Variants in RAP1GAP2 observed in about 807,000 individuals in gnomAD.
The protein encoded by RAP1GAP2 is RAP1 GTPase activating protein 2, also known as rap1 GTPase-activating protein 2.
Under a neutral mutation model 95.0 loss-of-function variants are expected in RAP1GAP2, and 27 were observed. The ratio of observed to expected loss-of-function variants is 0.28; its 90% CI spans 0.21 to 0.39. The LOEUF (loss-of-function observed/expected upper bound fraction) is 0.39, where lower values mean the gene tolerates loss of function less well. Ranked by LOEUF, RAP1GAP2 falls within the 10% of genes least tolerant of loss-of-function variation. RAP1GAP2 has a pLI of 1.00. For synonymous variants in RAP1GAP2, 373 were observed against 380.9 expected (o/e 0.98, Z 0.24); for missense variants, 771 against 970.0 (o/e 0.79, Z 2.72).
At chr17:2,931,669 G>A (rs1180511506) in intron 3 of RAP1GAP2, among the ~76,000 whole-genome samples, 2 of 152,222 alleles carry the variant, frequency 1.3e-5, no homozygotes, top group African/African-American at 4.8e-5. Flanking sequence ...CTGACTGACT[G>A]TTAGAATCAC....
At chr17:2,763,461 C>T (rs779144661) in intron 1 of RAP1GAP2, among the ~76,000 whole-genome samples, 19 of 151,968 alleles carry the variant, frequency 1.3e-4, no homozygotes, top group East Asian at 3.9e-4. Context: ...TTTGGGAGGC[C>T]GAGGCAGGTG....
At chr17:3,022,128 C>A (rs529139875) in intron 19 of RAP1GAP2, among the ~76,000 whole-genome samples, 3 of 152,360 alleles carry the variant, frequency 2.0e-5, no homozygotes, top group Admixed American at 2.0e-4. Context: ...ATTTCCCTTT[C>A]TCTGCATCCT....
At chr17:2,786,270 T>C (rs1229541291) in intron 1 of RAP1GAP2, among the ~76,000 whole-genome samples, 2 of 152,236 alleles carry the variant, frequency 1.3e-5, no homozygotes, top group Non-Finnish European at 2.9e-5. Flanking sequence ...CAGCTACATT[T>C]AATGTCAGGA....
intron 3 of RAP1GAP2, among the ~76,000 whole-genome samples, chr17:2,924,274 C>T (rs898076137): frequency 6.6e-6 from 1 of 152,106 alleles, no homozygotes; most frequent in Non-Finnish European, 1.5e-5. Context: ...ACGGTCTGCA[C>T]CTCCCGATGC....
intron 2 of RAP1GAP2, among the ~76,000 whole-genome samples, chr17:2,850,672 C>T (rs1463135722): frequency 6.7e-6 from 1 of 149,720 alleles, no homozygotes; most frequent in East Asian, 2.0e-4. Flanking sequence ...ATGGCATGAA[C>T]CCGGTTGGCG....
At chr17:2,795,876 GT>G (rs1309110406), upstream of RAP1GAP2, among the ~76,000 whole-genome samples, 1 of 152,102 alleles carries the variant, frequency 6.6e-6, no homozygotes, top group Admixed American at 6.5e-5. Context: ...GTATGTCTGC[GT>G]GCATGTATCT....
chr17:2,955,036 A>G (rs539454876), intron 3 of RAP1GAP2, among the ~76,000 whole-genome samples: 1 of 152,324 alleles, frequency 6.6e-6, no homozygotes, highest in South Asian at 2.1e-4. Context: ...GTTGATGGAC[A>G]TTTGGGTTGT....
chr17:2,918,132 A>G (rs1180063843), intron 3 of RAP1GAP2, among the ~76,000 whole-genome samples: 1 of 152,084 alleles, frequency 6.6e-6, no homozygotes, highest in Non-Finnish European at 1.5e-5. Flanking sequence ...GAGATTGGAT[A>G]ATTTATAAAG....
chr17:2,956,071 A>G (rs2044092505), intron 3 of RAP1GAP2, among the ~76,000 whole-genome samples: 1 of 152,108 alleles, frequency 6.6e-6, no homozygotes, highest in African/African-American at 2.4e-5. Flanking sequence ...TCATCTTTCT[A>G]TCCGTATTGA....
At chr17:2,890,120 C>T (rs1478257123) in intron 2 of RAP1GAP2, among the ~76,000 whole-genome samples, 4 of 151,716 alleles carry the variant, frequency 2.6e-5, no homozygotes, top group African/African-American at 4.8e-5. Context: ...GTTGCATGGC[C>T]ATGGGTGGAA....
At chr17:2,909,846 G>A (rs2042314544) in intron 3 of RAP1GAP2, among the ~76,000 whole-genome samples, 1 of 152,204 alleles carries the variant, frequency 6.6e-6, no homozygotes, top group Non-Finnish European at 1.5e-5. Flanking sequence ...GACTGGGTGG[G>A]GGTCCTTCTG....
intron 1 of RAP1GAP2, among the ~76,000 whole-genome samples, chr17:2,790,076 G>C (rs556293304): frequency 2.6e-5 from 4 of 151,326 alleles, no homozygotes; most frequent in Non-Finnish European, 5.9e-5. Context: ...ACTGTGCCCT[G>C]TTTCCCTGGA....
chr17:2,792,788 G>A (rs1485451477), upstream of RAP1GAP2, among the ~76,000 whole-genome samples: 5 of 152,232 alleles, frequency 3.3e-5, no homozygotes, highest in Admixed American at 2.0e-4. Flanking sequence ...TGGCAGCAGC[G>A]GAGGCCTCGA....
At chr17:2,784,162 C>T (rs963870860) in intron 1 of RAP1GAP2, among the ~76,000 whole-genome samples, 12 of 151,704 alleles carry the variant, frequency 7.9e-5, no homozygotes, top group African/African-American at 2.2e-4. Flanking sequence ...TTAGTAGAGA[C>T]GAGGGTTTCA....
chr17:2,923,396 A>G (rs1466066728), intron 3 of RAP1GAP2, among the ~76,000 whole-genome samples: 1 of 150,044 alleles, frequency 6.7e-6, no homozygotes, highest in Non-Finnish European at 1.5e-5. Flanking sequence ...CAGTGGTGCA[A>G]TCTTGGCTCA....
At chr17:2,910,506 C>G (rs1481855133) in intron 3 of RAP1GAP2, among the ~76,000 whole-genome samples, 1 of 152,098 alleles carries the variant, frequency 6.6e-6, no homozygotes, top group Non-Finnish European at 1.5e-5. Flanking sequence ...CTTTGAGCCT[C>G]GGGCAGTGGG....
chr17:2,992,440 G>A (rs1239850694), intron 12 of RAP1GAP2, among the ~76,000 whole-genome samples: 1 of 152,172 alleles, frequency 6.6e-6, no homozygotes, highest in Admixed American at 6.6e-5. Flanking sequence ...GATTACAGGC[G>A]TGAGCCACCG....
At chr17:2,781,507 G>A (rs1356119388) in intron 1 of RAP1GAP2, among the ~76,000 whole-genome samples, 1 of 152,076 alleles carries the variant, frequency 6.6e-6, no homozygotes. Context: ...GCACACCCCT[G>A]TGTGTGCACC....
At chr17:2,878,060 A>G (rs1412795336) in intron 2 of RAP1GAP2, among the ~76,000 whole-genome samples, 1 of 152,042 alleles carries the variant, frequency 6.6e-6, no homozygotes, top group African/African-American at 2.4e-5. Context: ...ACTTTCATGG[A>G]CACACGCGTT....
Sources: allele counts gnomAD v4.1 joint callset (sites outside exome capture counted in the v4.1 genomes callset), GRCh38; gene constraint gnomAD v4.1.1; transcripts MANE v1.5; gene names NCBI Gene and HGNC (gene_info 2026-07-23, HGNC 2026-07-21).